SNED1: variants seen among roughly 807,000 people sequenced by gnomAD.
The protein encoded by SNED1 is sushi, nidogen and EGF-like domain-containing protein 1.
A neutral mutation model predicts 166.7 loss-of-function variants in SNED1; 81 were observed. The observed-to-expected ratio is 0.49, with a 90% CI of 0.41 to 0.58. The LOEUF (loss-of-function observed/expected upper bound fraction) is 0.58. Ranked by LOEUF, SNED1 falls within the 20% of genes least tolerant of loss-of-function variation. The pLI is 0.00. For synonymous variants in SNED1, 762 were observed against 822.0 expected, an observed-to-expected ratio of 0.93 and a Z score of 1.25; for missense variants, 1,604 against 2,000.2, an observed-to-expected ratio of 0.80 and a Z score of 3.78.
chr2:241,072,167 C>T, intron 26 of SNED1: 1 of 657,500 alleles, frequency 1.5e-6, no homozygotes, highest in East Asian at 3.0e-5. Flanking sequence ...AGAAGCAGGT[C>T]TGAGACATTA....
rs562497238 is a variant in SNED1 at position 241,078,361 on chromosome 2, A to T, written c.3917-3316A>T. ...TCGCGCCACTGCACTGCAGCCTGGG[A>T]GACAGAACTAGACTCCGTCTCAAAA... On this transcript the variant is annotated intron_variant, in intron 27 of 31. Transcript: ENST00000310397. Among the ~76,000 whole-genome samples the T allele has an allele frequency of 6.9e-5, 10 of 144,684 alleles. No individual in the cohort carries two copies. The East Asian group carries it at 1.0e-3, about 15-fold the overall frequency. 94.9% of individuals were successfully genotyped at this position (144,684 alleles called of 152,430 possible). A position where few individuals can be genotyped will look rare whatever the true frequency, so the allele number is the denominator to read the frequency against.
At position 241,055,730 on chromosome 2, in the gene SNED1, C is replaced by T. The variant is rs554154557; in HGVS notation, c.2257+2404C>T. ...TAAGTTCTCAGCACCTACCAGGTCT[C>T]ACCCACAGGATCATTACAAATGCAT... On this transcript the variant is annotated intron_variant, in intron 16 of 31. Coordinates refer to ENST00000310397, the MANE Select transcript of SNED1 (RefSeq NM_001080437.3). Among the ~76,000 whole-genome samples the T allele has an allele frequency of 3.9e-5, 6 of 152,336 alleles. No individual in the cohort carries two copies. The South Asian group carries it at 8.3e-4, about 21-fold the overall frequency.
chr2:241,042,907 C>T (rs533468041), intron 8 of SNED1, among the ~76,000 whole-genome samples: 4 of 152,168 alleles, frequency 2.6e-5, no homozygotes, highest in Non-Finnish European at 5.9e-5. Context: ...CTGGAGTCTG[C>T]GAAGGAGGAT....
Position 241,069,070 on chromosome 2 carries a change from G to T in SNED1, c.3307+47G>T. ...CCGGCACACGAAAGGCCGTCTTCTA[G>T]AAGCTCTGGCTTCCTTCCAGCCTCC... On this transcript the variant is annotated intron_variant, in intron 23 of 31. Transcript: ENST00000310397. This position sits in a 1 kb window ranked among gnomAD's most constrained non-coding sequence, Gnocchi z 4.9. 7.4e-7 allele frequency: 1 copy of T among 1,349,098 alleles called. No homozygotes were observed. Among genetic ancestry groups the T allele is most frequent in the South Asian group, 1.3e-5 (1 of 76,686 alleles). 83.6% of individuals were successfully genotyped at this position (1,349,098 alleles called of 1,614,324 possible).
intron 16 of SNED1, among the ~76,000 whole-genome samples, chr2:241,060,623 T>C (rs974202346): frequency 1.3e-5 from 2 of 151,992 alleles, no homozygotes; most frequent in Non-Finnish European, 2.9e-5. Flanking sequence ...TCCAGGTGGA[T>C]TAAAGACCTA....
rs1559325970 is a variant in SNED1, at chr2:241,091,525, T to TCCCCGTGTGCACTGCC, written c.*2-112_*2-111insCCCGTGTGCACTGCCC. On this transcript the variant is annotated intron_variant, in intron 31 of 31. Transcript: ENST00000310397. The surrounding 1 kb of genome is among the most constrained non-coding windows in gnomAD (Gnocchi z 4.1). ...CTGGTGCTCTAAGAACGTGGGGTCC[T>TCCCCGTGTGCACTGCC]CTGGGTGACAGAGGCCCTGAGGGCC... The TCCCCGTGTGCACTGCC allele has an allele frequency of 6.6e-6, 1 of 152,194 alleles. No individual in the cohort carries two copies. Among genetic ancestry groups the TCCCCGTGTGCACTGCC allele is most frequent in the African/African-American group, 2.4e-5 (1 of 41,440 alleles). 9.4% of individuals were successfully genotyped at this position (152,194 alleles called of 1,614,324 possible).
At chr2:241,067,612 A>C (rs910954024) in intron 21 of SNED1, among the ~76,000 whole-genome samples, 152 bp from the exon 22 acceptor site, 2 of 151,936 alleles carry the variant, frequency 1.3e-5, no homozygotes, top group African/African-American at 2.4e-5. Context: ...CATCCCACTC[A>C]GCCCGAGTTC....
rs374004907 is a variant in SNED1 at position 241,031,072 on chromosome 2, G to A, written c.501+501G>A. ...TGGCCAGGCCTGCACTGGGCACTGG[G>A]TCATGACTGTGCAAGACAGACAGTG... On this transcript the variant is annotated intron_variant, in intron 2 of 31. Coordinates refer to ENST00000310397, the MANE Select transcript of SNED1 (RefSeq NM_001080437.3). Among the ~76,000 whole-genome samples, 19 of 152,302 alleles carry A rather than the reference G, an allele frequency of 1.2e-4. No individual in the cohort carries two copies. In the East Asian group the frequency reaches 3.7e-3, roughly 29 times the overall value.
Position 241,070,029 on chromosome 2 carries a change from T to C in SNED1, c.3417T>C (p.Asn1139=), listed in dbSNP as rs1483871362. The C allele has an allele frequency of 6.2e-7, 1 of 1,612,994 alleles. No homozygotes were observed. Among genetic ancestry groups the C allele is most frequent in the Admixed American group, 1.7e-5 (1 of 60,024 alleles). ...GCTTGCTGGAGGCTTATGTCATCAA[T>C]GTGACCACCAGCCAGAGCACCAAGA... ...PGSLLEAYVI[N]VTTSQSTKSR... is the part of the protein sequence containing the mutation. Residue 1139 remains asparagine, a synonymous_variant, in exon 24 of 32, where the codon AAT becomes AAC. Coordinates refer to ENST00000310397, the MANE Select transcript of SNED1 (RefSeq NM_001080437.3).
chr2:241,067,222 C>T (rs562045808), intron 21 of SNED1, among the ~76,000 whole-genome samples: 2 of 152,326 alleles, frequency 1.3e-5, no homozygotes, highest in African/African-American at 4.8e-5. Flanking sequence ...TGAGCGCTGC[C>T]CTCTGGGCTC....
chr2:241,071,112 C>T (rs2062690952), intron 24 of SNED1, among the ~76,000 whole-genome samples: 1 of 152,186 alleles, frequency 6.6e-6, no homozygotes, highest in African/African-American at 2.4e-5. Flanking sequence ...GCCTGGGAGG[C>T]TGAAGGACGC....
rs372874198 is a variant in SNED1 at position 241,033,767 on chromosome 2, C to T, written c.534C>T (p.Asp178=). 2.5e-4 allele frequency: 410 copies of T among 1,611,960 alleles called. 1 individual carries two copies. The highest frequency in any genetic ancestry group is 3.3e-4 in the Non-Finnish European group (394 of 1,179,596). ...VNTFQTVLIT[D]GKLSFTIFNY... The stretch of plus-strand genomic sequence containing the variant: ...CATTCCAGACTGTGCTCATCACAGA[C>T]GGCAAGCTCTCCTTCACCATCTTCA... The change falls in exon 3 of 32, where the codon GAC becomes GAT. Residue 178 remains aspartate (D), a synonymous_variant. Transcript: ENST00000310397.
chr2:241,014,475 A>G (rs941571949), intron 1 of SNED1, among the ~76,000 whole-genome samples: 3 of 152,212 alleles, frequency 2.0e-5, no homozygotes, highest in African/African-American at 7.2e-5. Flanking sequence ...GAGCAGCTAC[A>G]TGGTGGGAGG....
intron 6 of SNED1, among the ~76,000 whole-genome samples, chr2:241,039,206 C>T (rs1574958473): frequency 1.3e-5 from 2 of 152,186 alleles, no homozygotes; most frequent in South Asian, 2.1e-4. Flanking sequence ...GTGCATGCTC[C>T]TCCACCTAGC....
intron 1 of SNED1, chr2:241,015,963 T>C (rs1307967840): frequency 1.3e-5 from 2 of 150,896 alleles, no homozygotes; most frequent in African/African-American, 4.9e-5. Flanking sequence ...CGTTGACTTT[T>C]ATTCCATGCC....
chr2:241,084,191 C>T (rs1233924035), intron 29 of SNED1, among the ~76,000 whole-genome samples: 3 of 143,706 alleles, frequency 2.1e-5, no homozygotes, highest in African/African-American at 8.0e-5. Flanking sequence ...GGCTGGAGTG[C>T]GATGGTGCGA....
chr2:241,057,790 C>T (rs1297283130), intron 16 of SNED1, among the ~76,000 whole-genome samples: 1 of 152,046 alleles, frequency 6.6e-6, no homozygotes, highest in Non-Finnish European at 1.5e-5. Context: ...ACAAACACAG[C>T]TTCAGAGGCT....
Position 241,056,737 on chromosome 2 carries a change from C to T in SNED1, c.2257+3411C>T, listed in dbSNP as rs933403700. On this transcript the variant is annotated intron_variant, in intron 16 of 31. Coordinates refer to ENST00000310397, the MANE Select transcript of SNED1 (RefSeq NM_001080437.3). The stretch of plus-strand genomic sequence containing the variant: ...CTGGGACTACAGGCGCCCATCACCA[C>T]GCCCGGCTAATTTTTTTTTATATTT... Among the ~76,000 whole-genome samples, 12 of 151,992 alleles carry T rather than the reference C, an allele frequency of 7.9e-5. No individual in the cohort carries two copies. In the East Asian group the frequency reaches 9.7e-4, roughly 12 times the overall value.
intron 24 of SNED1, 88 bp from the exon 25 acceptor site, chr2:241,071,488 G>A (rs1302623370): frequency 1.4e-6 from 2 of 1,460,080 alleles, no homozygotes; most frequent in African/African-American, 1.4e-5. Flanking sequence ...GCACGGCTGA[G>A]TGTGAGGGGC....
Sources: gnomAD v4.1 joint callset for allele counts (sites outside exome capture counted in the v4.1 genomes callset) on GRCh38, gnomAD v4.1.1 for gene constraint, Gnocchi (gnomAD v3.1) non-coding constraint, MANE v1.5 for transcripts, NCBI Gene and HGNC (gene_info 2026-07-23, HGNC 2026-07-21) for gene names.